The following CHRM5 variants were observed in gnomAD, a reference collection of about 807,000 sequenced individuals.
CHRM5 encodes cholinergic receptor muscarinic 5.
In CHRM5, 18 loss-of-function variants were observed where a neutral mutation model predicts 39.0. The observed-to-expected ratio is 0.46, with a 90% CI of 0.32 to 0.68. CHRM5 has a LOEUF of 0.68. CHRM5 is among the 30% of genes least tolerant of loss of function. The pLI, the probability that CHRM5 is intolerant of heterozygous loss-of-function variation, is 0.04. For missense variants in CHRM5, 515 were observed against 651.1 expected, an observed-to-expected ratio of 0.79 and a Z score of 2.28; for synonymous variants, 241 against 246.3, an observed-to-expected ratio of 0.98 and a Z score of 0.20.
intron 1 of CHRM5, among the ~76,000 whole-genome samples, chr15:34,003,469 T>G (rs561992797): frequency 6.0e-4 from 91 of 152,362 alleles, no homozygotes; most frequent in South Asian, 3.7e-3. Context: ...AATTTATCCC[T>G]ATGTATCCTA....
At chr15:34,047,424 C>CGGGA (rs1389101753) in intron 2 of CHRM5, among the ~76,000 whole-genome samples, 1 of 152,124 alleles carries the variant, frequency 6.6e-6, no homozygotes, top group Non-Finnish European at 1.5e-5. Flanking sequence ...CCTGGCAAGG[C>CGGGA]GGGAGGTCCA....
chr15:34,056,124 C>T lies in CHRM5; in HGVS notation c.-75-6519C>T, dbSNP rs181895428. 1.4e-3 allele frequency among the ~76,000 whole-genome samples: 215 copies of T among 152,238 alleles called. 1 individual carries two copies. The highest frequency in any genetic ancestry group is 4.9e-3 in the African/African-American group (204 of 41,546). On this transcript the variant is annotated intron_variant, in intron 2 of 2. Transcript: ENST00000383263. ...ACTTCCAAAGCAGCTAAGTAACTGC[C>T]GTTTCCCTAGTTAAGAATAGAAGAA...
intron 1 of CHRM5, among the ~76,000 whole-genome samples, chr15:34,024,776 G>A (rs1020114104): frequency 1.9e-4 from 29 of 151,236 alleles, no homozygotes; most frequent in Non-Finnish European, 3.4e-4. Context: ...CAGGAGAATA[G>A]CTTGAACCCA....
intron 1 of CHRM5, chr15:34,003,034 G>A (rs1897198027): frequency 6.2e-7 from 1 of 1,611,810 alleles, no homozygotes; most frequent in Non-Finnish European, 8.5e-7. Flanking sequence ...ATTCATACCT[G>A]CAGAGCTAAG....
At chr15:33,971,810 T>G (rs1895651267) in intron 1 of CHRM5, among the ~76,000 whole-genome samples, 1 of 152,124 alleles carries the variant, frequency 6.6e-6, no homozygotes, top group Non-Finnish European at 1.5e-5. Flanking sequence ...ATGGTTAATT[T>G]TCCTTATGAA....
At chr15:33,972,870 C>G (rs1234681798) in intron 1 of CHRM5, among the ~76,000 whole-genome samples, 2 of 152,134 alleles carry the variant, frequency 1.3e-5, no homozygotes, top group Non-Finnish European at 2.9e-5. Flanking sequence ...AGAGCCTATA[C>G]AAAGATGATG....
chr15:34,056,006 C>A (rs73389935), intron 2 of CHRM5, among the ~76,000 whole-genome samples: 1 of 152,058 alleles, frequency 6.6e-6, no homozygotes, highest in Non-Finnish European at 1.5e-5. Flanking sequence ...GTGTGAGCCA[C>A]CACACCCAGC....
At chr15:33,997,383 C>T (rs1896977807) in intron 1 of CHRM5, among the ~76,000 whole-genome samples, 1 of 152,080 alleles carries the variant, frequency 6.6e-6, no homozygotes, top group Non-Finnish European at 1.5e-5. Flanking sequence ...ACAAAGAAAG[C>T]AAGCACCACA....
intron 1 of CHRM5, among the ~76,000 whole-genome samples, chr15:33,997,664 TA>T (rs1280990335): frequency 6.6e-6 from 1 of 152,230 alleles, no homozygotes; most frequent in African/African-American, 2.4e-5. Flanking sequence ...GTGATCCCAA[TA>T]TCTTTTTACT....
chr15:34,021,562 C>T (rs1045165555), intron 1 of CHRM5, among the ~76,000 whole-genome samples: 1 of 152,162 alleles, frequency 6.6e-6, no homozygotes, highest in Non-Finnish European at 1.5e-5. Flanking sequence ...TCTTTAAGAG[C>T]ACTTACACAT....
At chr15:34,051,951 A>G (rs150655116) in intron 2 of CHRM5, among the ~76,000 whole-genome samples, 9 of 152,274 alleles carry the variant, frequency 5.9e-5, no homozygotes, top group South Asian at 2.1e-4. Flanking sequence ...TACTGAAACT[A>G]TCTGAAAAAA....
intron 1 of CHRM5, among the ~76,000 whole-genome samples, chr15:33,994,173 C>T (rs766436058): frequency 5.9e-5 from 9 of 152,188 alleles, no homozygotes; most frequent in Non-Finnish European, 1.3e-4. Flanking sequence ...CTATTTACAG[C>T]CACTCCCTAC....
At position 34,025,756 on chromosome 15, in the gene CHRM5, G is replaced by C. The variant is rs1305602242; in HGVS notation, c.-407-20784G>C. ...TGTGTTTTTGTTTTGGTTTGGTTTT[G>C]CGTGTGTGTGTGTGTTTGTGTGTGT... On this transcript the variant is annotated intron_variant, in intron 1 of 2. Transcript: ENST00000383263. 4.0e-5 allele frequency among the ~76,000 whole-genome samples: 6 copies of C among 151,324 alleles called. No individual in the cohort carries two copies. The East Asian group carries it at 1.2e-3, about 29-fold the overall frequency.
At chr15:33,987,524 C>A (rs1896529656) in intron 1 of CHRM5, among the ~76,000 whole-genome samples, 1 of 152,170 alleles carries the variant, frequency 6.6e-6, no homozygotes, top group African/African-American at 2.4e-5. Context: ...CCAGCTGCAG[C>A]CTCTGGGACC....
rs769941156 is a variant in CHRM5, at chr15:34,063,243, C to T, written c.526C>T (p.Arg176Trp). The T allele has an allele frequency of 1.6e-5, 26 of 1,614,196 alleles. No homozygotes were observed. Among genetic ancestry groups the T allele is most frequent in the East Asian group, 8.9e-5 (4 of 44,878 alleles). Residue 176 changes from arginine (R) to tryptophan (W), a missense_variant, in exon 3 of 3, where the codon CGG (arginine) becomes TGG (tryptophan). Arg to Trp is a moderately radical substitution (Grantham distance 101). Transcript: ENST00000383263. The surrounding 1 kb of genome is among the most constrained non-coding windows in gnomAD (Gnocchi z 4.1). ...CTGCTGGCAGTACTTGGTTGGGAAG[C>T]GGACAGTTCCACTGGATGAGTGCCA... ...ILCWQYLVGK[R>W]TVPLDECQIQ...
chr15:34,055,300 C>T (rs894843380), intron 2 of CHRM5, among the ~76,000 whole-genome samples: 3 of 151,748 alleles, frequency 2.0e-5, no homozygotes, highest in African/African-American at 4.8e-5. Context: ...GAGTTTGAGA[C>T]CAGCCTGGCC....
At chr15:34,007,540 A>T (rs1897409957) in intron 1 of CHRM5, among the ~76,000 whole-genome samples, 1 of 152,160 alleles carries the variant, frequency 6.6e-6, no homozygotes, top group Non-Finnish European at 1.5e-5. Flanking sequence ...TTCTACCAAC[A>T]GTATCTTCAA....
intron 1 of CHRM5, among the ~76,000 whole-genome samples, chr15:34,010,533 T>C (rs1011024155): frequency 3.9e-5 from 6 of 152,096 alleles, no homozygotes; most frequent in Non-Finnish European, 8.8e-5. Context: ...AGCAAAAAGG[T>C]ATAGAAAAGG....
intron 1 of CHRM5, among the ~76,000 whole-genome samples, chr15:33,974,789 A>G (rs998906499): frequency 6.6e-6 from 1 of 152,180 alleles, no homozygotes; most frequent in Non-Finnish European, 1.5e-5. Context: ...CCTGGCCAAC[A>G]TGTTGAAACC....
Sources: gnomAD v4.1 joint callset for allele counts (sites outside exome capture counted in the v4.1 genomes callset) on GRCh38, gnomAD v4.1.1 for gene constraint, Gnocchi (gnomAD v3.1) non-coding constraint, MANE v1.5 for transcripts, NCBI Gene and HGNC (gene_info 2026-07-23, HGNC 2026-07-21) for gene names.